Variants in PSKH1 observed in about 807,000 individuals in gnomAD.
PSKH1 encodes serine/threonine-protein kinase H1.
PSKH1 carries 12 observed loss-of-function variants against 26.7 expected under a neutral mutation model. The observed-to-expected ratio is 0.45, with a 90% CI of 0.29 to 0.73. The LOEUF (loss-of-function observed/expected upper bound fraction) is 0.73. PSKH1 is among the 30% of genes least tolerant of loss of function. The pLI, the probability that PSKH1 is intolerant of heterozygous loss-of-function variation, is 0.11. For missense variants in PSKH1, 431 were observed against 595.2 expected (o/e 0.72, Z 2.87); for synonymous variants, 213 against 234.3 (o/e 0.91, Z 0.83).
chr16:67,910,616 G>A (rs2058170621), intron 2 of PSKH1, among the ~76,000 whole-genome samples: 1 of 152,180 alleles, frequency 6.6e-6, no homozygotes, highest in South Asian at 2.1e-4. Flanking sequence ...AGCCTCCCAA[G>A]TGGCTGGGAT....
At chr16:67,926,413 A>G (rs1361346359) in intron 2 of PSKH1, among the ~76,000 whole-genome samples, 1 of 152,236 alleles carries the variant, frequency 6.6e-6, no homozygotes, top group Non-Finnish European at 1.5e-5. Context: ...CGAACATGAA[A>G]TTGCAGTCTC....
chr16:67,918,990 G>T (rs1238055664), intron 2 of PSKH1, among the ~76,000 whole-genome samples: 1 of 152,164 alleles, frequency 6.6e-6, no homozygotes, highest in Non-Finnish European at 1.5e-5. Flanking sequence ...AGGTGACGGG[G>T]CTTGGTTATG....
intron 2 of PSKH1, among the ~76,000 whole-genome samples, chr16:67,918,693 G>C (rs549097668): frequency 6.6e-6 from 1 of 151,326 alleles, no homozygotes; most frequent in African/African-American, 2.4e-5. Flanking sequence ...TTGGGTTCAA[G>C]CAATTCTCCT....
intron 1 of PSKH1, among the ~76,000 whole-genome samples, chr16:67,901,813 A>G (rs1440104127): frequency 1.3e-5 from 2 of 151,806 alleles, no homozygotes; most frequent in African/African-American, 4.8e-5. Flanking sequence ...TTTTGTAGAG[A>G]TGGAGGTCTC....
rs1355583505 is a variant in PSKH1 at position 67,927,423 on chromosome 16, C to T, written c.1056C>T (p.His352=). 6.2e-7 allele frequency: 1 copy of T among 1,614,214 alleles called. No individual in the cohort carries two copies. ...TGACTGCACTGCAGGCCCTGAGGCA[C>T]CCGTGGGTGGTGAGCATGGCTGCCT... The part of the protein sequence containing the change: ...ARMTALQALR[H]PWVVSMAASS... Residue 352 remains histidine (H), a synonymous_variant, in exon 3 of 3, where the codon CAC becomes CAT. Coordinates refer to ENST00000291041, the MANE Select transcript of PSKH1 (RefSeq NM_006742.3). The surrounding 1 kb of genome is among the most constrained non-coding windows in gnomAD (Gnocchi z 5.5).
chr16:67,921,269 G>A (rs567041528), intron 2 of PSKH1, among the ~76,000 whole-genome samples: 3 of 150,228 alleles, frequency 2.0e-5, no homozygotes, highest in Admixed American at 6.6e-5. Flanking sequence ...GCAAAACTCC[G>A]TCTCAAAAAA....
intron 1 of PSKH1, among the ~76,000 whole-genome samples, chr16:67,898,845 A>G (rs975594778): frequency 1.4e-5 from 2 of 147,222 alleles, no homozygotes; most frequent in African/African-American, 5.0e-5. Flanking sequence ...CTGGTCTTGA[A>G]CTCCTGACCT....
intron 1 of PSKH1, among the ~76,000 whole-genome samples, chr16:67,900,997 G>A (rs1440842075): frequency 1.3e-5 from 2 of 152,238 alleles, no homozygotes; most frequent in East Asian, 1.9e-4. Context: ...TATAGAGTCT[G>A]CATTTTCACC....
rs2058166269 is a variant in PSKH1 at position 67,909,246 on chromosome 16, A to G, written c.497A>G (p.Glu166Gly). ...CTGGTGGAGGTGTTCGAGACACAGG[A>G]GCGGGTGTACATGGTGATGGAGCTG... ...IQLVEVFETQ[E>G]RVYMVMELAT... is the part of the protein sequence containing the mutation. The change falls in exon 2 of 3, where the codon GAG (glutamate) becomes GGG (glycine). Residue 166 changes from glutamate (E) to glycine (G), a missense_variant. Physicochemically the swap from Glu to Gly is moderately conservative, Grantham distance 98. Transcript: ENST00000291041. The surrounding 1 kb of genome is among the most constrained non-coding windows in gnomAD (Gnocchi z 7.8). The G allele has an allele frequency of 6.2e-7, 1 of 1,613,844 alleles. No individual in the cohort carries two copies. The highest frequency in any genetic ancestry group is 1.7e-5 in the Admixed American group (1 of 59,974).
rs1050215828 is a variant in PSKH1 at position 67,916,575 on chromosome 16, G to T, written c.957+6869G>T. Among the ~76,000 whole-genome samples the T allele has an allele frequency of 3.3e-5, 5 of 152,174 alleles. No homozygotes were observed. In the East Asian group the frequency reaches 7.7e-4, roughly 23 times the overall value. On this transcript the variant is annotated intron_variant, in intron 2 of 2. Coordinates refer to ENST00000291041, the MANE Select transcript of PSKH1 (RefSeq NM_006742.3). ...GGCTGGGGCAGGTCTGGTGTTTGTT[G>T]TTGGGAGCCCTCTGCACTGTGGGAG...
chr16:67,902,331 C>T (rs1316721989), intron 1 of PSKH1, among the ~76,000 whole-genome samples: 1 of 151,806 alleles, frequency 6.6e-6, no homozygotes, highest in Admixed American at 6.6e-5. Context: ...GAGACAGTCT[C>T]GATCTCTCAC....
In PSKH1 at chr16:67,927,567, C is replaced by T; in HGVS notation, c.1200C>T (p.Ser400=). ...CGCGTTCCAGCCGCTCCACACGCTC[C>T]AATAAGTCACGCCGTGTGCGGGAAC... is the stretch of plus-strand genomic sequence containing the variant. ...QSTRSSRSTR[S]NKSRRVRERE... Residue 400 remains serine, a synonymous_variant, in exon 3 of 3, where the codon TCC becomes TCT. Transcript: ENST00000291041. This position sits in a 1 kb window ranked among gnomAD's most constrained non-coding sequence, Gnocchi z 5.5. 1.2e-6 allele frequency: 2 copies of T among 1,613,868 alleles called. No individual in the cohort carries two copies. The highest frequency in any genetic ancestry group is 1.7e-6 in the Non-Finnish European group (2 of 1,180,042).
chr16:67,913,403 C>A (rs912522723), intron 2 of PSKH1, among the ~76,000 whole-genome samples: 1 of 152,128 alleles, frequency 6.6e-6, no homozygotes, highest in African/African-American at 2.4e-5. Flanking sequence ...CTGCCTTGGC[C>A]TCCCAAAGTG....
At chr16:67,918,064 G>A (rs1432459357) in intron 2 of PSKH1, among the ~76,000 whole-genome samples, 1 of 152,120 alleles carries the variant, frequency 6.6e-6, no homozygotes, top group Non-Finnish European at 1.5e-5. Flanking sequence ...TGTTTCTAAA[G>A]GATGACACAG....
At chr16:67,898,559 G>A (rs2058133015) in intron 1 of PSKH1, among the ~76,000 whole-genome samples, 1 of 151,696 alleles carries the variant, frequency 6.6e-6, no homozygotes, top group South Asian at 2.1e-4. Flanking sequence ...CCTTATTTCT[G>A]TAATTATTGA....
chr16:67,926,426 G>A (rs1473848274), intron 2 of PSKH1, among the ~76,000 whole-genome samples: 7 of 152,242 alleles, frequency 4.6e-5, no homozygotes, highest in Admixed American at 2.6e-4. Flanking sequence ...GCAGTCTCAC[G>A]TTACAGCTGG....
At chr16:67,899,471 G>A (rs1348445038) in intron 1 of PSKH1, among the ~76,000 whole-genome samples, 2 of 151,146 alleles carry the variant, frequency 1.3e-5, no homozygotes, top group Non-Finnish European at 2.9e-5. Context: ...GAGTAGCTGG[G>A]ACTACAGGCG....
At chr16:67,917,217 A>G (rs1376243126) in intron 2 of PSKH1, among the ~76,000 whole-genome samples, 1 of 152,194 alleles carries the variant, frequency 6.6e-6, no homozygotes, top group Non-Finnish European at 1.5e-5. Context: ...GAGGATGGTG[A>G]GGTTACATAA....
rs1275498288 is a variant in PSKH1 at position 67,908,988 on chromosome 16, G to A, written c.239G>A (p.Arg80Lys). 1 of 1,613,932 alleles carries A rather than the reference G, an allele frequency of 6.2e-7. No individual in the cohort carries two copies. Among genetic ancestry groups the A allele is most frequent in the Non-Finnish European group, 8.5e-7 (1 of 1,179,964 alleles). ...HTEPPSEPPR[R>K]ARVAKYRAKF... is the part of the protein sequence containing the mutation. ...GAGCCTCCCTCAGAACCACCACGCAGGGCCAGGGTAGCTAAGTACAGGGCC... is the reference window on the plus strand; with the variant it reads ...GAGCCTCCCTCAGAACCACCACGCAAGGCCAGGGTAGCTAAGTACAGGGCC... Residue 80 changes from arginine (R) to lysine (K), a missense_variant, in exon 2 of 3, where the codon AGG becomes AAG. Physicochemically the swap from Arg to Lys is conservative, Grantham distance 26. Coordinates refer to ENST00000291041, the MANE Select transcript of PSKH1 (RefSeq NM_006742.3).
Sources: gnomAD v4.1 joint callset for allele counts (sites outside exome capture counted in the v4.1 genomes callset) on GRCh38, gnomAD v4.1.1 for gene constraint, Gnocchi (gnomAD v3.1) non-coding constraint, MANE v1.5 for transcripts, NCBI Gene and HGNC (gene_info 2026-07-23, HGNC 2026-07-21) for gene names.